The following CTNNA2 variants were observed in gnomAD, a reference collection of about 807,000 sequenced individuals.
CTNNA2 encodes catenin alpha-2.
CTNNA2 carries 42 observed loss-of-function variants against 101.0 expected under a neutral mutation model. The ratio of observed to expected loss-of-function variants is 0.42; its 90% CI spans 0.32 to 0.54. The LOEUF (loss-of-function observed/expected upper bound fraction) is 0.54, where lower values mean the gene tolerates loss of function less well. Ranked by LOEUF, CTNNA2 falls within the 20% of genes least tolerant of loss-of-function variation. The pLI is 0.14. For synonymous variants in CTNNA2, 450 were observed against 456.4 expected, an observed-to-expected ratio of 0.99 and a Z score of 0.18; for missense variants, 871 against 1,223.1, an observed-to-expected ratio of 0.71 and a Z score of 4.29.
At chr2:79,771,179 C>G (rs1673546919) in intron 3 of CTNNA2, among the ~76,000 whole-genome samples, 1 of 152,128 alleles carries the variant, frequency 6.6e-6, no homozygotes, top group South Asian at 2.1e-4. Flanking sequence ...TTTATGTAAA[C>G]TTAATCCTTG....
intron 7 of CTNNA2, among the ~76,000 whole-genome samples, chr2:80,093,161 A>T (rs962450301): frequency 6.6e-6 from 1 of 151,728 alleles, no homozygotes; most frequent in South Asian, 2.1e-4. Context: ...CTGCTCCCCC[A>T]ACCCCACAAC....
chr2:80,455,905 A>G (rs1683938598), intron 9 of CTNNA2, among the ~76,000 whole-genome samples: 1 of 152,148 alleles, frequency 6.6e-6, no homozygotes, highest in African/African-American at 2.4e-5. Context: ...ATTACCTGAG[A>G]CACAGAGTGG....
intron 7 of CTNNA2, chr2:80,298,304 T>A (rs1675942824): frequency 6.6e-6 from 1 of 152,180 alleles, no homozygotes; most frequent in Non-Finnish European, 1.5e-5. Context: ...TCGCCACTCA[T>A]CTAGAGGAGA....
At chr2:79,757,612 G>A (rs1672483565) in intron 3 of CTNNA2, among the ~76,000 whole-genome samples, 1 of 152,206 alleles carries the variant, frequency 6.6e-6, no homozygotes, top group Admixed American at 6.5e-5. Context: ...CTCAAGAAGA[G>A]TCAGGGAAGT....
At chr2:80,435,409 AT>A (rs890924109) in intron 9 of CTNNA2, among the ~76,000 whole-genome samples, 37 of 150,556 alleles carry the variant, frequency 2.5e-4, no homozygotes, top group African/African-American at 7.6e-4. Context: ...TCTTGTCACA[AT>A]TTTTTTTTTC....
rs1332862031 is a variant in CTNNA2, at chr2:79,239,133, A to T, written c.-406+41057A>T. On this transcript the variant is annotated intron_variant, in intron 2 of 21. Transcript: ENST00000466387. ...CCTTCCTCCAACCTCATCCCCCAATATGACCCAGAGCTCATATAGCCAAGA... is the reference window on the plus strand; with the variant it reads ...CCTTCCTCCAACCTCATCCCCCAATTTGACCCAGAGCTCATATAGCCAAGA... 2.0e-5 allele frequency among the ~76,000 whole-genome samples: 3 copies of T among 152,004 alleles called. No individual in the cohort carries two copies. In the East Asian group the frequency reaches 5.8e-4, roughly 29 times the overall value.
intron 3 of CTNNA2, among the ~76,000 whole-genome samples, chr2:79,784,069 G>A (rs1210990130): frequency 1.3e-5 from 2 of 152,028 alleles, no homozygotes; most frequent in South Asian, 2.1e-4. Context: ...AATAGATCAC[G>A]GTTTATATGG....
chr2:80,332,237 G>C (rs967238650), intron 7 of CTNNA2, among the ~76,000 whole-genome samples: 1 of 152,108 alleles, frequency 6.6e-6, no homozygotes, highest in African/African-American at 2.4e-5. Context: ...TAGAGTTCCA[G>C]ATACTGTTGA....
intron 4 of CTNNA2, among the ~76,000 whole-genome samples, chr2:79,377,887 T>G (rs535516140): frequency 2.7e-4 from 41 of 152,282 alleles, no homozygotes; most frequent in African/African-American, 9.9e-4. Flanking sequence ...AATACAGTCC[T>G]TAGTCTCTGA....
At chr2:79,780,965 T>A (rs900089759) in intron 3 of CTNNA2, among the ~76,000 whole-genome samples, 2 of 152,132 alleles carry the variant, frequency 1.3e-5, no homozygotes, top group Non-Finnish European at 2.9e-5. Context: ...GAAAAAGGGT[T>A]CCAATCCAGA....
At chr2:79,956,159 G>A (rs182897007) in intron 7 of CTNNA2, among the ~76,000 whole-genome samples, 4 of 152,164 alleles carry the variant, frequency 2.6e-5, no homozygotes, top group African/African-American at 9.6e-5. Flanking sequence ...GAACCTCCCT[G>A]TTGCCTCCAC....
At chr2:80,005,771 TTG>T (rs1160860785) in intron 7 of CTNNA2, among the ~76,000 whole-genome samples, 1 of 89,580 alleles carries the variant, frequency 1.1e-5, no homozygotes, top group Non-Finnish European at 2.9e-5. Context: ...CTATGTTTAT[TTG>T]TTTTTTTTTT....
At chr2:79,302,487 C>T (rs1676136129) in intron 2 of CTNNA2, among the ~76,000 whole-genome samples, 1 of 152,164 alleles carries the variant, frequency 6.6e-6, no homozygotes. Context: ...GTTTAACCTA[C>T]TTCTTTAGTC....
chr2:79,749,938 G>A (rs962983457), intron 3 of CTNNA2, among the ~76,000 whole-genome samples: 1 of 152,088 alleles, frequency 6.6e-6, no homozygotes, highest in African/African-American at 2.4e-5. Flanking sequence ...AGCAAGTCCC[G>A]GCCTTTCCAA....
intron 7 of CTNNA2, among the ~76,000 whole-genome samples, chr2:79,990,323 A>G (rs1692079937): frequency 6.6e-6 from 1 of 152,176 alleles, no homozygotes; most frequent in Non-Finnish European, 1.5e-5. Flanking sequence ...ACCTGAGAGT[A>G]GGATAGAGGG....
intron 2 of CTNNA2, among the ~76,000 whole-genome samples, chr2:79,260,854 C>T (rs754410826): frequency 5.9e-5 from 9 of 152,092 alleles, no homozygotes; most frequent in Non-Finnish European, 1.2e-4. Flanking sequence ...ACTCTTAAGC[C>T]AAATCCAGGA....
intron 3 of CTNNA2, among the ~76,000 whole-genome samples, chr2:79,368,101 CT>C (rs1677789982): frequency 6.6e-6 from 1 of 152,138 alleles, no homozygotes; most frequent in Non-Finnish European, 1.5e-5. Context: ...AACTACCTAC[CT>C]GTGGACATAG....
At chr2:80,132,176 T>C (rs1364970568) in intron 7 of CTNNA2, among the ~76,000 whole-genome samples, 1 of 152,106 alleles carries the variant, frequency 6.6e-6, no homozygotes, top group African/African-American at 2.4e-5. Flanking sequence ...TGAAGACGTC[T>C]TAGCACGTAC....
rs371188025 is a variant in CTNNA2, at chr2:79,591,832, T to A, written c.-5-59720T>A. 7.2e-5 allele frequency among the ~76,000 whole-genome samples: 11 copies of A among 152,154 alleles called. No homozygotes were observed. The East Asian group carries it at 1.5e-3, about 21-fold the overall frequency. ...AATACATATGTTCTCTTTTTAATTT[T>A]TTTTTGGTCCTGCTGCACCTGATTT... On this transcript the variant is annotated intron_variant, in intron 1 of 18. Coordinates refer to ENST00000402739, the MANE Select transcript of CTNNA2 (RefSeq NM_001282597.3).
Sources: allele counts gnomAD v4.1 joint callset (sites outside exome capture counted in the v4.1 genomes callset), GRCh38; gene constraint gnomAD v4.1.1; transcripts MANE v1.5; gene names NCBI Gene and HGNC (gene_info 2026-07-23, HGNC 2026-07-21).